CA10: variants seen among roughly 807,000 people sequenced by gnomAD.
The protein encoded by CA10 is carbonic anhydrase-related protein 10.
In CA10, 14 loss-of-function variants were observed where a neutral mutation model predicts 44.2. The ratio of observed to expected loss-of-function variants is 0.32; its 90% confidence interval spans 0.21 to 0.50. CA10 has a LOEUF of 0.50. Ranked by LOEUF, CA10 falls within the 20% of genes least tolerant of loss-of-function variation. The pLI, the probability that CA10 is intolerant of heterozygous loss-of-function variation, is 0.99. For synonymous variants in CA10, 159 were observed against 141.6 expected, an observed-to-expected ratio of 1.12 and a Z score of -0.87; for missense variants, 350 against 409.7, an observed-to-expected ratio of 0.85 and a Z score of 1.26.
At chr17:51,842,794 C>T (rs1485531648) in intron 3 of CA10, among the ~76,000 whole-genome samples, 2 of 151,654 alleles carry the variant, frequency 1.3e-5, no homozygotes, top group African/African-American at 4.8e-5. Context: ...TGGTATGGAA[C>T]AACACAACCT....
intron 3 of CA10, among the ~76,000 whole-genome samples, chr17:51,887,223 T>C (rs1980645726): frequency 6.6e-6 from 1 of 151,422 alleles, no homozygotes; most frequent in Non-Finnish European, 1.5e-5. Context: ...TTGTATAGAT[T>C]TGTCTTCAAG....
At chr17:51,980,927 T>C (rs1984632994) in intron 2 of CA10, among the ~76,000 whole-genome samples, 1 of 152,138 alleles carries the variant, frequency 6.6e-6, no homozygotes, top group African/African-American at 2.4e-5. Context: ...TGAAAAACTA[T>C]TCAGCATCAT....
chr17:51,945,361 C>T (rs1983234387), intron 2 of CA10, among the ~76,000 whole-genome samples: 1 of 152,128 alleles, frequency 6.6e-6, no homozygotes, highest in South Asian at 2.1e-4. Flanking sequence ...AATATCCTTG[C>T]TGGGAGACCA....
chr17:52,029,007 G>C (rs542602821), intron 2 of CA10, among the ~76,000 whole-genome samples: 1 of 152,238 alleles, frequency 6.6e-6, no homozygotes, highest in South Asian at 2.1e-4. Flanking sequence ...AACCTGTTCA[G>C]TAATCTTATC....
intron 2 of CA10, among the ~76,000 whole-genome samples, chr17:52,054,484 C>A (rs546115079): frequency 6.6e-6 from 1 of 152,110 alleles, no homozygotes; most frequent in African/African-American, 2.4e-5. Context: ...TGTGATCTCA[C>A]CCTGCCTCCA....
intron 2 of CA10, among the ~76,000 whole-genome samples, chr17:51,970,081 G>T (rs1198396446): frequency 6.6e-6 from 1 of 151,928 alleles, no homozygotes; most frequent in East Asian, 1.9e-4. Context: ...GGCCAATGTA[G>T]ATTTTTACTC....
chr17:52,049,772 CT>C (rs1462393502), intron 2 of CA10, among the ~76,000 whole-genome samples: 1 of 152,090 alleles, frequency 6.6e-6, no homozygotes, highest in African/African-American at 2.4e-5. Flanking sequence ...ATTAGCATGA[CT>C]AAAACAGAAT....
chr17:51,721,673 A>G (rs1916354348), intron 4 of CA10, among the ~76,000 whole-genome samples: 1 of 152,114 alleles, frequency 6.6e-6, no homozygotes, highest in Non-Finnish European at 1.5e-5. Context: ...ATTAAAAAAA[A>G]AAATCCTATC....
At chr17:51,704,138 C>T (rs930659744) in intron 4 of CA10, among the ~76,000 whole-genome samples, 4 of 152,200 alleles carry the variant, frequency 2.6e-5, no homozygotes, top group Admixed American at 2.0e-4. Context: ...TCCGTCCATC[C>T]ATTCATCCAT....
At chr17:52,010,814 G>A (rs1379860437) in intron 2 of CA10, among the ~76,000 whole-genome samples, 1 of 71,272 alleles carries the variant, frequency 1.4e-5, no homozygotes, top group African/African-American at 3.2e-5. Context: ...TGCTGTTTCA[G>A]TTAGACTCAG....
At chr17:52,074,034 T>C (rs1455836298) in intron 1 of CA10, among the ~76,000 whole-genome samples, 2 of 152,192 alleles carry the variant, frequency 1.3e-5, no homozygotes, top group African/African-American at 4.8e-5. Flanking sequence ...GTTCTGATTC[T>C]TCCTCTGGGT....
chr17:51,813,482 G>A (rs2143744155), intron 3 of CA10, among the ~76,000 whole-genome samples: 1 of 152,310 alleles, frequency 6.6e-6, no homozygotes, highest in East Asian at 1.9e-4. Context: ...CCCCCATGGA[G>A]CACTTTCAGA....
chr17:51,710,106 G>A (rs1915885310), intron 4 of CA10, among the ~76,000 whole-genome samples: 1 of 152,164 alleles, frequency 6.6e-6, no homozygotes, highest in Admixed American at 6.5e-5. Flanking sequence ...AGGGAGAAAA[G>A]TTCAATAATT....
At chr17:51,771,475 A>T (rs1282394798) in intron 3 of CA10, among the ~76,000 whole-genome samples, 1 of 152,184 alleles carries the variant, frequency 6.6e-6, no homozygotes. Flanking sequence ...CCCAGAATTA[A>T]GACAATGGAG....
At chr17:51,992,930 T>G (rs1985094425) in intron 2 of CA10, among the ~76,000 whole-genome samples, 1 of 152,148 alleles carries the variant, frequency 6.6e-6, no homozygotes, top group Non-Finnish European at 1.5e-5. Context: ...TCTTTAAAAA[T>G]TATTCGCGAT....
intron 2 of CA10, among the ~76,000 whole-genome samples, chr17:51,976,607 G>A (rs61284697): frequency 0.022 from 3,341 of 151,992 alleles, 128 homozygotes; most frequent in African/African-American, 0.076. Flanking sequence ...AAAGCAGTTC[G>A]TCTGGGGGAA....
intron 4 of CA10, among the ~76,000 whole-genome samples, chr17:51,662,384 A>G (rs998580570): frequency 1.3e-5 from 2 of 152,232 alleles, no homozygotes; most frequent in African/African-American, 4.8e-5. Context: ...AAGTGAAGAC[A>G]TTAAGGCACA....
intron 2 of CA10, among the ~76,000 whole-genome samples, chr17:52,026,412 T>C (rs960850245): frequency 6.6e-6 from 1 of 152,144 alleles, no homozygotes; most frequent in African/African-American, 2.4e-5. Flanking sequence ...TTTTCTAGTT[T>C]AATCCTCCCA....
intron 2 of CA10, among the ~76,000 whole-genome samples, chr17:52,012,301 C>T (rs1161538624): frequency 6.6e-6 from 1 of 151,928 alleles, no homozygotes; most frequent in Non-Finnish European, 1.5e-5. Flanking sequence ...AATTTGGAGA[C>T]ACTGAGTCAC....
Sources: gnomAD v4.1 joint callset for allele counts (sites outside exome capture counted in the v4.1 genomes callset) on GRCh38, gnomAD v4.1.1 for gene constraint, MANE v1.5 for transcripts, NCBI Gene and HGNC (gene_info 2026-07-23, HGNC 2026-07-21) for gene names.